The following VTA1 variants were observed in gnomAD, a reference collection of about 807,000 sequenced individuals.
VTA1 encodes the protein vacuolar protein sorting-associated protein VTA1 homolog.
A neutral mutation model predicts 36.9 loss-of-function variants in VTA1; 24 were observed. That is an observed-to-expected ratio of 0.65 (90% confidence interval 0.47 to 0.91). The LOEUF (loss-of-function observed/expected upper bound fraction) is 0.91, where lower values mean the gene tolerates loss of function less well. Ranked by LOEUF, VTA1 falls within the 40% of genes least tolerant of loss-of-function variation. The pLI, the probability that VTA1 is intolerant of heterozygous loss-of-function variation, is 0.00. For missense variants in VTA1, 393 were observed against 377.2 expected (o/e 1.04, Z -0.35); for synonymous variants, 142 against 130.2 (o/e 1.09, Z -0.62).
At chr6:142,190,015 C>G (rs1775423798) in intron 5 of VTA1, among the ~76,000 whole-genome samples, 1 of 152,116 alleles carries the variant, frequency 6.6e-6, no homozygotes, top group Non-Finnish European at 1.5e-5. Context: ...CCTTGGCCTC[C>G]CAAAGTGCTG....
chr6:142,163,206 T>G (rs1167566408), intron 1 of VTA1, among the ~76,000 whole-genome samples: 1 of 152,070 alleles, frequency 6.6e-6, no homozygotes, highest in African/African-American at 2.4e-5. Context: ...TGATTGCAGT[T>G]CAAATTTACC....
In VTA1 at chr6:142,218,506, C is replaced by A; in HGVS notation, c.787C>A (p.Arg263Ser). ...LFNTISQGDV[R>S]LTPEDFARAQ... ...TGTTCTTTTTCTTCTAGGGGATGTT[C>A]GTCTAACCCCAGAAGACTTTGCTAG... Residue 263 changes from arginine (R) to serine (S), a missense_variant, in exon 8 of 8, where the codon CGT becomes AGT. Transcript: ENST00000367630. 1.2e-6 allele frequency: 2 copies of A among 1,612,460 alleles called. No homozygotes were observed. Among genetic ancestry groups the A allele is most frequent in the South Asian group, 2.2e-5 (2 of 90,692 alleles).
intron 2 of VTA1, among the ~76,000 whole-genome samples, chr6:142,168,804 T>G (rs900217308): frequency 6.7e-6 from 1 of 150,290 alleles, no homozygotes; most frequent in African/African-American, 2.4e-5. Flanking sequence ...TCTCGCTCAT[T>G]CGCCCAGGCT....
At chr6:142,178,327 AC>A (rs1341495660) in intron 4 of VTA1, among the ~76,000 whole-genome samples, 8 of 152,186 alleles carry the variant, frequency 5.3e-5, no homozygotes, top group African/African-American at 1.4e-4. Flanking sequence ...ATGAACAAAA[AC>A]CCTGTCAACT....
intron 2 of VTA1, among the ~76,000 whole-genome samples, chr6:142,166,735 C>T (rs2114642132): frequency 6.6e-6 from 1 of 152,168 alleles, no homozygotes; most frequent in African/African-American, 2.4e-5. Flanking sequence ...AATTCTCTTA[C>T]ATCAGCCTCC....
At chr6:142,164,388 T>C (rs1349631758) in intron 1 of VTA1, among the ~76,000 whole-genome samples, 3 of 152,038 alleles carry the variant, frequency 2.0e-5, no homozygotes, top group African/African-American at 7.2e-5. Flanking sequence ...CTTTTTTTTT[T>C]CTCCTTAATA....
intron 1 of VTA1, among the ~76,000 whole-genome samples, chr6:142,151,740 T>G (rs945781888): frequency 6.6e-6 from 1 of 152,208 alleles, no homozygotes; most frequent in Non-Finnish European, 1.5e-5. Context: ...GGAAGTACAT[T>G]TAAAACAGCT....
chr6:142,185,366 A>ACT (rs1189873393), intron 4 of VTA1, among the ~76,000 whole-genome samples: 42 of 152,136 alleles, frequency 2.8e-4, no homozygotes, highest in Non-Finnish European at 5.9e-4. Context: ...CAGAGCCTAA[A>ACT]AGTATGTTGA....
intron 4 of VTA1, among the ~76,000 whole-genome samples, chr6:142,181,094 A>AAAATATATATATATATATATATATATAT (rs1471429927): frequency 5.5e-5 from 2 of 36,440 alleles, no homozygotes; most frequent in Non-Finnish European, 1.2e-4. Flanking sequence ...AAAAAAAAAA[A>AAAATATATATATATATATATATATATAT]ATATATATAT....
At chr6:142,199,850 G>T (rs1775646027) in intron 6 of VTA1, among the ~76,000 whole-genome samples, 1 of 151,860 alleles carries the variant, frequency 6.6e-6, no homozygotes, top group Non-Finnish European at 1.5e-5. Context: ...AAACCTATTT[G>T]CATTTGTTTT....
chr6:142,204,140 A>G, intron 7 of VTA1, 75 bp downstream of exon 7: 1 of 1,243,622 alleles, frequency 8.0e-7, no homozygotes, highest in Non-Finnish European at 1.2e-6. Context: ...TTACCTTGAC[A>G]GTACCATATA....
chr6:142,189,226 A>G (rs982147297), intron 4 of VTA1, among the ~76,000 whole-genome samples, 200 bp from the exon 5 acceptor site: 19 of 152,186 alleles, frequency 1.2e-4, no homozygotes, highest in African/African-American at 3.9e-4. Context: ...TGTTTTGAGG[A>G]CAATAGCTTT....
intron 2 of VTA1, 148 bp downstream of exon 2, chr6:142,166,470 T>G: frequency 1.8e-6 from 1 of 563,878 alleles, no homozygotes. Flanking sequence ...AATAATTTAT[T>G]TTCATTTATT....
At chr6:142,205,181 G>A (rs1056401115) in intron 7 of VTA1, among the ~76,000 whole-genome samples, 26 of 152,122 alleles carry the variant, frequency 1.7e-4, no homozygotes, top group African/African-American at 6.3e-4. Flanking sequence ...GGGGTGAGCT[G>A]GATATCATAC....
intron 7 of VTA1, among the ~76,000 whole-genome samples, chr6:142,218,026 G>A (rs998627275): frequency 1.3e-5 from 2 of 151,998 alleles, no homozygotes; most frequent in South Asian, 2.1e-4. Context: ...TTTTTACATG[G>A]ATGGCACAAA....
At chr6:142,188,213 AT>A in intron 4 of VTA1, among the ~76,000 whole-genome samples, 1 of 85,020 alleles carries the variant, frequency 1.2e-5, no homozygotes, top group African/African-American at 4.3e-5. Context: ...CTAGCCCTCT[AT>A]TTCTTTATTT....
chr6:142,150,044 T>G (rs969165206), intron 1 of VTA1, among the ~76,000 whole-genome samples: 1 of 152,188 alleles, frequency 6.6e-6, no homozygotes, highest in African/African-American at 2.4e-5. Flanking sequence ...GTTTAACCCT[T>G]TTATTGAATT....
intron 4 of VTA1, 27 bp downstream of exon 4, chr6:142,170,448 T>C: frequency 4.3e-6 from 6 of 1,399,910 alleles, no homozygotes; most frequent in Non-Finnish European, 5.9e-6. Flanking sequence ...TATTGTCTTA[T>C]TAGCTGAAGA....
At chr6:142,202,304 G>T (rs1314193182) in intron 6 of VTA1, among the ~76,000 whole-genome samples, 1 of 151,728 alleles carries the variant, frequency 6.6e-6, no homozygotes, top group East Asian at 1.9e-4. Flanking sequence ...CTAAGATTTG[G>T]CTGTCTCCTC....
Sources: allele counts gnomAD v4.1 joint callset (sites outside exome capture counted in the v4.1 genomes callset), GRCh38; gene constraint gnomAD v4.1.1; transcripts MANE v1.5; gene names NCBI Gene and HGNC (gene_info 2026-07-23, HGNC 2026-07-21).